RIMS1: variants seen among roughly 807,000 people sequenced by gnomAD.
RIMS1 encodes the protein regulating synaptic membrane exocytosis protein 1.
A neutral mutation model predicts 214.1 loss-of-function variants in RIMS1; 83 were observed. The ratio of observed to expected loss-of-function variants is 0.39; its 90% CI spans 0.32 to 0.47. The LOEUF (loss-of-function observed/expected upper bound fraction) is 0.47. Ranked by LOEUF, RIMS1 falls within the 20% of genes least tolerant of loss-of-function variation. The probability of loss-of-function intolerance (pLI) is 0.99; values close to 1 mark genes in which losing one functional copy is unlikely to be tolerated. For missense variants in RIMS1, 2,050 were observed against 2,161.8 expected, an observed-to-expected ratio of 0.95 and a Z score of 1.03; for synonymous variants, 793 against 786.8, an observed-to-expected ratio of 1.01 and a Z score of -0.13.
chr6:72,397,604 A>T (rs1355978329), intron 31 of RIMS1, among the ~76,000 whole-genome samples: 1 of 152,238 alleles, frequency 6.6e-6, no homozygotes, highest in Non-Finnish European at 1.5e-5. Flanking sequence ...AAAATAACTG[A>T]TACAAGAATG....
chr6:71,944,758 C>T (rs903672636), intron 1 of RIMS1, among the ~76,000 whole-genome samples: 6 of 152,060 alleles, frequency 3.9e-5, no homozygotes, highest in Admixed American at 6.6e-5. Context: ...TGTGAGATGT[C>T]GGCCGAAGAG....
rs774605327 is a variant in RIMS1 at position 72,392,777 on chromosome 6, G to T, written c.4585G>T (p.Val1529Phe). Residue 1529 changes from valine to phenylalanine, a missense_variant, in exon 31 of 34, where the codon GTT (valine) becomes TTT (phenylalanine). This residue lies in a region of RIMS1 where 121 missense variants were observed against 187.3 expected (regional missense o/e 0.65). Coordinates refer to ENST00000521978, the MANE Select transcript of RIMS1 (RefSeq NM_014989.7). ...FLDGLGPAQL[V>F]GRQTLATPAM... ...TGATGGATTGGGACCAGCCCAGCTT[G>T]TTGGCCGCCAAACCCTTGCCACCCC... The T allele has an allele frequency of 6.2e-7, 1 of 1,613,504 alleles. No homozygotes were observed. The highest frequency in any genetic ancestry group is 1.1e-5 in the South Asian group (1 of 91,020).
chr6:72,315,165 G>T (rs187727872), intron 28 of RIMS1, among the ~76,000 whole-genome samples: 3 of 152,222 alleles, frequency 2.0e-5, no homozygotes, highest in Non-Finnish European at 4.4e-5. Context: ...GTTACTTTGT[G>T]GAGAACATGG....
rs574020689 is a variant in RIMS1, at chr6:72,252,675, A to G, written c.2699-86A>G. ...TAAGTTTTCAGTAATAATGCAATTCACTTTTTAAAAAAAGTTTGACAGTGC... is the reference window on the plus strand; with the variant it reads ...TAAGTTTTCAGTAATAATGCAATTCGCTTTTTAAAAAAAGTTTGACAGTGC... On this transcript the variant is annotated intron_variant, in intron 15 of 33. Transcript: ENST00000521978. 66 of 1,047,224 alleles carry G rather than the reference A, an allele frequency of 6.3e-5. No individual in the cohort carries two copies. The South Asian group carries it at 8.4e-4, about 13-fold the overall frequency. 64.9% of individuals were successfully genotyped at this position (1,047,224 alleles called of 1,614,324 possible).
intron 4 of RIMS1, among the ~76,000 whole-genome samples, chr6:72,152,727 T>C (rs1212500423): frequency 2.8e-5 from 4 of 141,916 alleles, no homozygotes; most frequent in Non-Finnish European, 6.0e-5. Context: ...TGAATATATA[T>C]ATATGGAATA....
intron 1 of RIMS1, among the ~76,000 whole-genome samples, chr6:71,905,959 C>G (rs1431047835): frequency 6.6e-6 from 1 of 152,126 alleles, no homozygotes; most frequent in African/African-American, 2.4e-5. Flanking sequence ...AACCATCTAA[C>G]CAATATTTTG....
At chr6:72,317,659 G>A (rs1472832199) in intron 28 of RIMS1, among the ~76,000 whole-genome samples, 1 of 152,078 alleles carries the variant, frequency 6.6e-6, no homozygotes, top group Non-Finnish European at 1.5e-5. Context: ...CTTCAATTCA[G>A]TAAGGCAATA....
At chr6:72,063,457 G>A (rs1167619542) in intron 2 of RIMS1, among the ~76,000 whole-genome samples, 1 of 152,200 alleles carries the variant, frequency 6.6e-6, no homozygotes, top group African/African-American at 2.4e-5. Context: ...GAAATACAAA[G>A]CAAGTTAAAA....
chr6:72,358,600 G>A (rs183088808), intron 29 of RIMS1, among the ~76,000 whole-genome samples: 8 of 152,234 alleles, frequency 5.3e-5, no homozygotes, highest in Non-Finnish European at 8.8e-5. Flanking sequence ...GAACAAAGAA[G>A]GGGAGGCAGT....
At chr6:72,054,491 G>A (rs761474213) in intron 2 of RIMS1, among the ~76,000 whole-genome samples, 11 of 152,124 alleles carry the variant, frequency 7.2e-5, no homozygotes, top group Non-Finnish European at 1.5e-4. Flanking sequence ...TGATCCTTGA[G>A]GAATCACAAC....
chr6:72,258,707 T>C (rs2076846217), intron 17 of RIMS1, among the ~76,000 whole-genome samples: 1 of 152,176 alleles, frequency 6.6e-6, no homozygotes, highest in African/African-American at 2.4e-5. Context: ...AGTGCTCTAC[T>C]TCATTTTACT....
intron 10 of RIMS1, among the ~76,000 whole-genome samples, chr6:72,243,937 T>C (rs2068159634): frequency 6.6e-6 from 1 of 151,142 alleles, no homozygotes; most frequent in African/African-American, 2.4e-5. Flanking sequence ...GTGAATACAT[T>C]ATTGGAATCC....
At chr6:72,053,162 T>C (rs1825193285) in intron 2 of RIMS1, among the ~76,000 whole-genome samples, 1 of 152,200 alleles carries the variant, frequency 6.6e-6, no homozygotes, top group Admixed American at 6.5e-5. Flanking sequence ...CTCTCTAAAG[T>C]GTCCCCAGTC....
chr6:72,308,495 T>A (rs1472103777), intron 27 of RIMS1, among the ~76,000 whole-genome samples: 1 of 152,158 alleles, frequency 6.6e-6, no homozygotes, highest in African/African-American at 2.4e-5. Context: ...ATTATTAGCT[T>A]GAAATATGGA....
At chr6:72,059,854 A>G (rs1474822202) in intron 2 of RIMS1, among the ~76,000 whole-genome samples, 1 of 152,216 alleles carries the variant, frequency 6.6e-6, no homozygotes, top group Non-Finnish European at 1.5e-5. Context: ...TTTTTCTGGA[A>G]TAACTGAAAT....
At chr6:72,049,443 C>G (rs181616483) in intron 2 of RIMS1, among the ~76,000 whole-genome samples, 13 of 152,246 alleles carry the variant, frequency 8.5e-5, no homozygotes, top group Admixed American at 3.9e-4. Flanking sequence ...CAGATATTGT[C>G]AAATTCAATA....
intron 4 of RIMS1, among the ~76,000 whole-genome samples, chr6:72,126,437 G>T (rs1346114738): frequency 6.6e-6 from 1 of 152,048 alleles, no homozygotes; most frequent in Non-Finnish European, 1.5e-5. Flanking sequence ...TAATTAAACT[G>T]AAAAGCTTCT....
chr6:72,357,575 A>G (rs1270058612), intron 29 of RIMS1, among the ~76,000 whole-genome samples: 2 of 151,892 alleles, frequency 1.3e-5, no homozygotes, highest in African/African-American at 4.8e-5. Context: ...TTTTCTTTTC[A>G]CCTTTTCAGC....
Position 72,364,211 on chromosome 6 carries a change from A to G in RIMS1, c.4367-26387A>G, listed in dbSNP as rs577428621. ...CACTTGTTTTCTCTGTGGTTTTTGC[A>G]TATCTTTATCCAGCTTTTTACACTG... On this transcript the variant is annotated intron_variant, in intron 29 of 33. Transcript: ENST00000521978. Among the ~76,000 whole-genome samples, 186 of 152,226 alleles carry G rather than the reference A, an allele frequency of 1.2e-3. 1 individual carries two copies. Among genetic ancestry groups the G allele is most frequent in the Non-Finnish European group, 2.3e-3 (155 of 67,996 alleles).
Sources: gnomAD v4.1 joint callset for allele counts (sites outside exome capture counted in the v4.1 genomes callset) on GRCh38, gnomAD v4.1.1 for gene constraint, gnomAD v4.1.1 regional missense constraint, MANE v1.5 for transcripts, NCBI Gene and HGNC (gene_info 2026-07-23, HGNC 2026-07-21) for gene names.